The following ZC3H4 variants were observed in gnomAD, a reference collection of about 807,000 sequenced individuals.
The protein encoded by ZC3H4 is zinc finger CCCH-type containing 4.
In ZC3H4, 13 loss-of-function variants were observed where a neutral mutation model predicts 108.3. The ratio of observed to expected loss-of-function variants is 0.12; its 90% CI spans 0.08 to 0.19. ZC3H4 has a LOEUF of 0.19. ZC3H4 is among the 10% of genes least tolerant of loss of function. The pLI, the probability that ZC3H4 is intolerant of heterozygous loss-of-function variation, is 1.00. For synonymous variants in ZC3H4, 917 were observed against 749.6 expected (o/e 1.22, Z -3.65); for missense variants, 1,734 against 1,838.8 (o/e 0.94, Z 1.04).
chr19:47,076,356 T>A (rs4804023), intron 11 of ZC3H4, among the ~76,000 whole-genome samples: 79,559 of 152,026 alleles, frequency 0.52, 24,522 homozygotes, highest in Non-Finnish European at 0.71. Flanking sequence ...CTCACACTCT[T>A]AAAGCCTGTT....
In ZC3H4 at chr19:47,090,276, A is replaced by C; in HGVS notation, c.493-87T>G. On this transcript the variant is annotated intron_variant, in intron 4 of 14. Coordinates refer to ENST00000253048, the MANE Select transcript of ZC3H4 (RefSeq NM_015168.2). ...CAAGATACCCAGGGTTCCCTAAACG[A>C]ACATGTCTGTCTGGGTGTCACTACT... is the stretch of plus-strand genomic sequence containing the variant. The C allele has an allele frequency of 2.8e-6, 4 of 1,433,366 alleles. No homozygotes were observed. In the South Asian group the frequency reaches 5.0e-5, roughly 18 times the overall value. 88.8% of individuals were successfully genotyped at this position (1,433,366 alleles called of 1,614,324 possible).
rs1469973221 is a variant in ZC3H4 at position 47,064,368 on chromosome 19, C to G, written c.*1988G>C. The G allele has an allele frequency of 6.6e-6, 1 of 152,622 alleles. No homozygotes were observed. Among genetic ancestry groups the G allele is most frequent in the Non-Finnish European group, 1.5e-5 (1 of 68,034 alleles). 9.5% of individuals were successfully genotyped at this position (152,622 alleles called of 1,614,324 possible). A position where few individuals can be genotyped will look rare whatever the true frequency, so the allele number is the denominator to read the frequency against. On this transcript the variant is annotated 3_prime_UTR_variant, in exon 15 of 15. Transcript: ENST00000253048. ...TATACATATTTGCACCACCAACTCT[C>G]AACTCTGAAACAGTATTTACACTTT...
At position 47,072,276 on chromosome 19, in the gene ZC3H4, G is replaced by T; in HGVS notation, c.1802+76C>A. The stretch of plus-strand genomic sequence containing the variant: ...AGAGGCAGGACTCTCCCACAGCCAG[G>T]CTTGCCCTAACAAGAGGAGCCTGGC... On this transcript the variant is annotated intron_variant, in intron 12 of 14. Coordinates refer to ENST00000253048, the MANE Select transcript of ZC3H4 (RefSeq NM_015168.2). The surrounding 1 kb of genome is among the most constrained non-coding windows in gnomAD (Gnocchi z 5.6). 1.3e-6 allele frequency: 2 copies of T among 1,500,414 alleles called. No individual in the cohort carries two copies. Among genetic ancestry groups the T allele is most frequent in the East Asian group, 2.4e-5 (1 of 41,908 alleles). 92.9% of individuals were successfully genotyped at this position (1,500,414 alleles called of 1,614,324 possible). A position where few individuals can be genotyped will look rare whatever the true frequency, so the allele number is the denominator to read the frequency against.
rs536041161 is a variant in ZC3H4, at chr19:47,078,761, G to A, written c.1440+2752C>T. Among the ~76,000 whole-genome samples, 4 of 152,070 alleles carry A rather than the reference G, an allele frequency of 2.6e-5. No homozygotes were observed. The East Asian group carries it at 7.9e-4, about 30-fold the overall frequency. The stretch of plus-strand genomic sequence containing the variant: ...TGTAATCCCAGCTACTCAGGAGGCT[G>A]AAACAGGAAATCACTTGAACCTGGA... On this transcript the variant is annotated intron_variant, in intron 11 of 14. Coordinates refer to ENST00000253048, the MANE Select transcript of ZC3H4 (RefSeq NM_015168.2).
Position 47,066,249 on chromosome 19 carries a change from A to T in ZC3H4, c.*107T>A. The T allele has an allele frequency of 1.2e-6, 1 of 855,068 alleles. No homozygotes were observed. The highest frequency in any genetic ancestry group is 1.7e-6 in the Non-Finnish European group (1 of 595,276). 53.0% of individuals were successfully genotyped at this position (855,068 alleles called of 1,614,324 possible). ...GAAAGCAAAAGAAAAAGAAAAGAAA[A>T]AAGGAACACCCAGCCTGCCTCCCCT... On this transcript the variant is annotated 3_prime_UTR_variant, in exon 15 of 15. Coordinates refer to ENST00000253048, the MANE Select transcript of ZC3H4 (RefSeq NM_015168.2).
intron 11 of ZC3H4, among the ~76,000 whole-genome samples, chr19:47,075,341 G>A (rs1036685537): frequency 1.3e-5 from 2 of 152,104 alleles, no homozygotes; most frequent in African/African-American, 4.8e-5. Flanking sequence ...AGAGCCTTGC[G>A]CCAGCTGCTT....
At chr19:47,088,473 T>C (rs954600255) in intron 5 of ZC3H4, among the ~76,000 whole-genome samples, 3 of 151,256 alleles carry the variant, frequency 2.0e-5, no homozygotes, top group Non-Finnish European at 4.4e-5. Flanking sequence ...GCTTGACCTC[T>C]GGAGGCAGAG....
At chr19:47,095,019 C>T (rs921551279) in intron 2 of ZC3H4, among the ~76,000 whole-genome samples, 6 of 152,234 alleles carry the variant, frequency 3.9e-5, no homozygotes, top group African/African-American at 1.2e-4. Flanking sequence ...CCACACAGCT[C>T]TGCTGTGAAG....
chr19:47,112,613 T>C (rs2058055355), intron 1 of ZC3H4, 24 bp from the exon 2 acceptor site: 1 of 1,209,992 alleles, frequency 8.3e-7, no homozygotes, highest in Non-Finnish European at 1.0e-6. Flanking sequence ...GGGATGTTAA[T>C]GCACGAAAAA....
At position 47,085,161 on chromosome 19, in the gene ZC3H4, A is replaced by T. The variant is rs1171852449; in HGVS notation, c.1002T>A (p.Gly334=). 1 of 1,611,934 alleles carries T rather than the reference A, an allele frequency of 6.2e-7. No individual in the cohort carries two copies. The highest frequency in any genetic ancestry group is 8.5e-7 in the Non-Finnish European group (1 of 1,179,512). ...GGCCCCGACCCATTCCTTTCCCTCG[A>T]CCTCGGGAGCCCCTGCCACGGCCTC... The part of the protein sequence containing the change: ...LSRGRGRGSR[G]RGKGMGRGRG... Residue 334 remains glycine (G), a synonymous_variant, in exon 8 of 15, where the codon GGT becomes GGA. Transcript: ENST00000253048.
At position 47,089,171 on chromosome 19, in the gene ZC3H4, ACTCCAGCCTGGCG is replaced by A. The variant is rs1354044451; in HGVS notation, c.715+783_715+795del. Among the ~76,000 whole-genome samples, 5 of 138,656 alleles carry A rather than the reference ACTCCAGCCTGGCG, an allele frequency of 3.6e-5. No homozygotes were observed. The East Asian group carries it at 1.1e-3, about 29-fold the overall frequency. The allele number at this position is 138,656 out of a possible 152,430, so 91.0% of individuals were successfully genotyped here. A position where few individuals can be genotyped will look rare whatever the true frequency, so the allele number is the denominator to read the frequency against. ...CAGTGAGCCGAGATCGCGCCACTGC[ACTCCAGCCTGGCG>A]ACAGAGCAAGACTCCGTCTCAAAAA... is the stretch of plus-strand genomic sequence containing the variant. On this transcript the variant is annotated intron_variant, in intron 5 of 14. Coordinates refer to ENST00000253048, the MANE Select transcript of ZC3H4 (RefSeq NM_015168.2).
At chr19:47,092,165 A>G (rs1453382399) in intron 4 of ZC3H4, among the ~76,000 whole-genome samples, 1 of 152,142 alleles carries the variant, frequency 6.6e-6, no homozygotes, top group Non-Finnish European at 1.5e-5. Context: ...AGATCACACC[A>G]CTGCACTCCA....
At chr19:47,092,847 T>TAAATAAATAAATAAAC (rs1555783599) in intron 4 of ZC3H4, among the ~76,000 whole-genome samples, 7 of 150,048 alleles carry the variant, frequency 4.7e-5, no homozygotes, top group Admixed American at 6.7e-5. Context: ...AATAAATAAA[T>TAAATAAATAAATAAAC]AAACAAACAA....
At chr19:47,093,269 T>TG (rs1357852235) in intron 4 of ZC3H4, among the ~76,000 whole-genome samples, 8 of 151,040 alleles carry the variant, frequency 5.3e-5, no homozygotes, top group African/African-American at 1.9e-4. Context: ...TGGGATTTTC[T>TG]GGGGGAAGAA....
chr19:47,081,866 C>T (rs1430897823), intron 10 of ZC3H4, among the ~76,000 whole-genome samples: 4 of 152,154 alleles, frequency 2.6e-5, no homozygotes, highest in Non-Finnish European at 5.9e-5. Flanking sequence ...CTCAGATGGT[C>T]AACCAGACTA....
chr19:47,068,969 A>AG, intron 14 of ZC3H4, 123 bp downstream of exon 14: 1 of 1,539,780 alleles, frequency 6.5e-7, no homozygotes, highest in Non-Finnish European at 8.7e-7. Flanking sequence ...GGCCCTGGAC[A>AG]GGGGTCCTCC....
intron 2 of ZC3H4, among the ~76,000 whole-genome samples, chr19:47,108,115 A>C (rs190030453): frequency 6.6e-6 from 1 of 152,346 alleles, no homozygotes. Flanking sequence ...TGCTGAATAA[A>C]TACCAATTGC....
chr19:47,078,110 T>C (rs1055299713), intron 11 of ZC3H4, among the ~76,000 whole-genome samples: 17 of 152,086 alleles, frequency 1.1e-4, no homozygotes, highest in African/African-American at 3.9e-4. Flanking sequence ...CTTAAAAAAT[T>C]TTTTTTCCAG....
intron 11 of ZC3H4, among the ~76,000 whole-genome samples, chr19:47,073,706 C>T (rs1377366450): frequency 2.0e-5 from 3 of 152,186 alleles, no homozygotes; most frequent in Non-Finnish European, 4.4e-5. Flanking sequence ...ACTAAGCAAT[C>T]GCTCCCCACC....
Sources: allele counts gnomAD v4.1 joint callset (sites outside exome capture counted in the v4.1 genomes callset), GRCh38; gene constraint gnomAD v4.1.1; non-coding constraint Gnocchi (gnomAD v3.1); transcripts MANE v1.5; gene names NCBI Gene and HGNC (gene_info 2026-07-23, HGNC 2026-07-21).